Variants in GCNT1 observed in about 807,000 individuals in gnomAD.
GCNT1 encodes the protein glucosaminyl (N-acetyl) transferase 1.
GCNT1 carries 16 observed loss-of-function variants against 26.2 expected under a neutral mutation model. The observed-to-expected ratio is 0.61, with a 90% CI of 0.41 to 0.93. The LOEUF is 0.93. GCNT1 is among the 40% of genes least tolerant of loss of function. The pLI is 0.00. For missense variants in GCNT1, 477 were observed against 526.7 expected (o/e 0.91, Z 0.92); for synonymous variants, 183 against 190.8 (o/e 0.96, Z 0.34).
At chr9:76,466,176 G>A (rs976009035) in intron 2 of GCNT1, among the ~76,000 whole-genome samples, 1 of 152,196 alleles carries the variant, frequency 6.6e-6, no homozygotes, top group Non-Finnish European at 1.5e-5. Context: ...GAGGAAGAGA[G>A]GCCTGTTAAG....
intron 2 of GCNT1, among the ~76,000 whole-genome samples, chr9:76,461,363 C>T (rs370836078): frequency 1.3e-5 from 2 of 151,986 alleles, no homozygotes; most frequent in Non-Finnish European, 2.9e-5. Flanking sequence ...GAGGCCCAGG[C>T]GGGTGGATCA....
chr9:76,437,507 C>T (rs1823425721), upstream of GCNT1, among the ~76,000 whole-genome samples: 1 of 152,188 alleles, frequency 6.6e-6, no homozygotes, highest in African/African-American at 2.4e-5. Flanking sequence ...ATAATCCACC[C>T]TTTGTTTAGC....
intron 1 of GCNT1, among the ~76,000 whole-genome samples, chr9:76,442,506 C>A (rs1411282637): frequency 6.6e-6 from 1 of 152,108 alleles, no homozygotes; most frequent in Non-Finnish European, 1.5e-5. Flanking sequence ...CATGGCAAAA[C>A]CCTGTCTCTA....
chr9:76,410,582 T>G, the GCNT1 span, among the ~76,000 whole-genome samples: 1 of 152,158 alleles, frequency 6.6e-6, no homozygotes, highest in Non-Finnish European at 1.5e-5. Flanking sequence ...CAAGACCTTG[T>G]CTCTATTTTT....
the GCNT1 span, among the ~76,000 whole-genome samples, chr9:76,413,668 G>GTTTTTTTTTTTTTTTTTTTTTTTTTT: frequency 7.1e-5 from 6 of 84,210 alleles, no homozygotes; most frequent in East Asian, 3.6e-4. Flanking sequence ...TTTTTTTTTT[G>GTTTTTTTTTTTTTTTTTTTTTTTTTT]TTTTTTTTTT....
chr9:76,484,373 A>G (rs532207242), intron 2 of GCNT1, among the ~76,000 whole-genome samples: 4 of 152,098 alleles, frequency 2.6e-5, no homozygotes, highest in African/African-American at 9.6e-5. Context: ...CTGTCTTAAA[A>G]AAAAAAAAAA....
intron 2 of GCNT1, among the ~76,000 whole-genome samples, chr9:76,481,650 G>A (rs955084851): frequency 1.3e-5 from 2 of 152,030 alleles, no homozygotes; most frequent in African/African-American, 2.4e-5. Context: ...TTTAATTAGA[G>A]TTATAAATGC....
chr9:76,441,439 A>G (rs1823482646), upstream of GCNT1, among the ~76,000 whole-genome samples: 1 of 151,974 alleles, frequency 6.6e-6, no homozygotes, highest in Non-Finnish European at 1.5e-5. Context: ...AGCCATCACC[A>G]CTCTCAGCCA....
At chr9:76,467,033 G>A (rs939102030) in intron 2 of GCNT1, among the ~76,000 whole-genome samples, 4 of 151,360 alleles carry the variant, frequency 2.6e-5, no homozygotes, top group African/African-American at 9.7e-5. Flanking sequence ...GGCAGTAAAT[G>A]CTCAGCTGAT....
At chr9:76,446,786 A>C (rs1478760684) in intron 1 of GCNT1, among the ~76,000 whole-genome samples, 1 of 152,228 alleles carries the variant, frequency 6.6e-6, no homozygotes, top group Non-Finnish European at 1.5e-5. Flanking sequence ...GAGAAGAAGC[A>C]AAGTAAAGAA....
chr9:76,439,336 C>T (rs1258916268), upstream of GCNT1, among the ~76,000 whole-genome samples: 1 of 150,966 alleles, frequency 6.6e-6, no homozygotes, highest in African/African-American at 2.4e-5. Flanking sequence ...GTGATCCCTC[C>T]ACCTCAGCCT....
intron 1 of GCNT1, among the ~76,000 whole-genome samples, chr9:76,429,245 G>T (rs2131575882): frequency 6.6e-6 from 1 of 151,980 alleles, no homozygotes; most frequent in East Asian, 1.9e-4. Flanking sequence ...TATTCCTATA[G>T]CATGCACAAG....
the GCNT1 span, among the ~76,000 whole-genome samples, chr9:76,413,653 G>GTTT: frequency 2.0e-4 from 24 of 118,670 alleles, no homozygotes; most frequent in East Asian, 5.5e-4. Flanking sequence ...GTTTTGTTTT[G>GTTT]TTTTTTTTTT....
In GCNT1 at chr9:76,502,364, C is replaced by G; in HGVS notation, c.-18C>G. The G allele has an allele frequency of 6.3e-7, 1 of 1,577,782 alleles. No individual in the cohort carries two copies. The highest frequency in any genetic ancestry group is 1.7e-4 in the Middle Eastern group (1 of 5,942). On this transcript the variant is annotated 5_prime_UTR_variant, in exon 4 of 4. The change creates a new upstream start codon in the 5' untranslated region. Coordinates refer to ENST00000376730, the MANE Select transcript of GCNT1 (RefSeq NM_001490.5). ...GAAGACTGCCCTTCACAAAGGAAATCCCTGATTATTGTTTGAAATGCTGAG... is the reference window on the plus strand; with the variant it reads ...GAAGACTGCCCTTCACAAAGGAAATGCCTGATTATTGTTTGAAATGCTGAG...
the GCNT1 span, among the ~76,000 whole-genome samples, chr9:76,410,640 A>G: frequency 6.6e-6 from 1 of 152,176 alleles, no homozygotes; most frequent in African/African-American, 2.4e-5. Flanking sequence ...AACATTTTTT[A>G]AGGTGTGTTT....
chr9:76,398,528 C>T, the GCNT1 span, among the ~76,000 whole-genome samples: 11 of 152,160 alleles, frequency 7.2e-5, 1 homozygote, highest in African/African-American at 2.4e-4. Context: ...TAAAACTAAA[C>T]GTACTTTTAC....
chr9:76,460,923 C>T (rs1391054125), intron 2 of GCNT1, among the ~76,000 whole-genome samples: 2 of 152,208 alleles, frequency 1.3e-5, no homozygotes, highest in Admixed American at 6.5e-5. Flanking sequence ...ATAGTTCATT[C>T]TTGATTAATG....
At chr9:76,495,331 G>A (rs751195853) in intron 2 of GCNT1, among the ~76,000 whole-genome samples, 17 of 152,082 alleles carry the variant, frequency 1.1e-4, no homozygotes, top group Non-Finnish European at 2.2e-4. Context: ...TCATGGTCTC[G>A]CTGACTTCAT....
At chr9:76,441,566 T>TCTTAGCA (rs1823484447), upstream of GCNT1, 1 of 152,232 alleles carries the variant, frequency 6.6e-6, no homozygotes, top group Non-Finnish European at 1.5e-5. Flanking sequence ...AACAATTTTG[T>TCTTAGCA]TCAAAACACT....
Sources: gnomAD v4.1 joint callset for allele counts (sites outside exome capture counted in the v4.1 genomes callset) on GRCh38, gnomAD v4.1.1 for gene constraint, MANE v1.5 for transcripts, NCBI Gene and HGNC (gene_info 2026-07-23, HGNC 2026-07-21) for gene names.